The following LOXHD1 variants were observed in gnomAD, a reference collection of about 807,000 sequenced individuals.
The protein encoded by LOXHD1 is lipoxygenase homology domain-containing protein 1.
In LOXHD1, 205 loss-of-function variants were observed where a neutral mutation model predicts 248.2. The observed-to-expected ratio is 0.83, with a 90% CI of 0.74 to 0.93. The LOEUF is 0.93. Ranked by LOEUF, LOXHD1 falls within the 40% of genes least tolerant of loss-of-function variation. The pLI, the probability that LOXHD1 is intolerant of heterozygous loss-of-function variation, is 0.00. For synonymous variants in LOXHD1, 1,113 were observed against 1,162.8 expected, an observed-to-expected ratio of 0.96 and a Z score of 0.87; for missense variants, 2,930 against 2,971.6, an observed-to-expected ratio of 0.99 and a Z score of 0.33.
intron 17 of LOXHD1, among the ~76,000 whole-genome samples, chr18:46,565,118 G>T (rs1320981805): frequency 6.6e-6 from 1 of 152,078 alleles, no homozygotes; most frequent in African/African-American, 2.4e-5. Flanking sequence ...ACAAAAATTA[G>T]CCGGGTGTGG....
intron 37 of LOXHD1, among the ~76,000 whole-genome samples, chr18:46,503,618 T>C (rs1598862509): frequency 6.6e-6 from 1 of 151,038 alleles, no homozygotes; most frequent in African/African-American, 2.4e-5. Context: ...AACTCAGGAG[T>C]TTTTGTTTTG....
chr18:46,545,431 G>A lies in LOXHD1; in HGVS notation c.3515-10C>T. On this transcript the variant is annotated splice_polypyrimidine_tract_variant and intron_variant, in intron 22 of 40. Coordinates refer to ENST00000642948, the MANE Select transcript of LOXHD1 (RefSeq NM_001384474.1). ...AATGTGGTAGATTTATCTGCCAAGA[G>A]AATAGTATAGAGCAATGAATTGTAG... 1 of 1,529,524 alleles carries A rather than the reference G, an allele frequency of 6.5e-7. No homozygotes were observed. 94.7% of individuals were successfully genotyped at this position (1,529,524 alleles called of 1,614,324 possible).
chr18:46,610,360 T>G (rs1479395939), intron 6 of LOXHD1, among the ~76,000 whole-genome samples: 2 of 121,316 alleles, frequency 1.6e-5, no homozygotes, highest in Admixed American at 1.0e-4. Context: ...TGAGAACACT[T>G]GGACACAGGG....
At chr18:46,620,407 A>C (rs1465974338) in intron 4 of LOXHD1, among the ~76,000 whole-genome samples, 1 of 152,180 alleles carries the variant, frequency 6.6e-6, no homozygotes, top group Admixed American at 6.5e-5. Flanking sequence ...AAGGGGCAGC[A>C]GGGCTCCAGG....
At chr18:46,545,627 C>CATTTTTTTTTTTTTTT (rs2036772782) in intron 22 of LOXHD1, among the ~76,000 whole-genome samples, 1 of 92,236 alleles carries the variant, frequency 1.1e-5, no homozygotes, top group African/African-American at 4.9e-5. Flanking sequence ...TTGGCCATTT[C>CATTTTTTTTTTTTTTT]TTTTTTTTTT....
chr18:46,561,494 T>G (rs142329594), intron 18 of LOXHD1, among the ~76,000 whole-genome samples: 2,543 of 152,252 alleles, frequency 0.017, 72 homozygotes, highest in African/African-American at 0.054. Context: ...TTGTTTCTAG[T>G]CAGAGTCCTC....
At chr18:46,647,380 A>G (rs1031641577) in intron 2 of LOXHD1, among the ~76,000 whole-genome samples, 1 of 152,184 alleles carries the variant, frequency 6.6e-6, no homozygotes, top group Non-Finnish European at 1.5e-5. Flanking sequence ...GAAAAAGGGG[A>G]AGAATCTGAG....
chr18:46,558,276 A>G (rs2037421021), intron 20 of LOXHD1, among the ~76,000 whole-genome samples: 1 of 152,230 alleles, frequency 6.6e-6, no homozygotes, highest in South Asian at 2.1e-4. Context: ...AGTAAGTGGC[A>G]GATACCATGA....
At chr18:46,539,875 C>T (rs895831649) in intron 25 of LOXHD1, among the ~76,000 whole-genome samples, 2 of 152,192 alleles carry the variant, frequency 1.3e-5, no homozygotes, top group African/African-American at 4.8e-5. Context: ...AGTCTTGGCC[C>T]TTGAAAGGAG....
intron 37 of LOXHD1, among the ~76,000 whole-genome samples, chr18:46,504,762 A>G (rs970172707): frequency 1.3e-5 from 2 of 152,256 alleles, no homozygotes; most frequent in African/African-American, 4.8e-5. Context: ...GTGAGGAACA[A>G]CACAACATTC....
At chr18:46,537,570 GCA>G (rs1205519793) in intron 26 of LOXHD1, among the ~76,000 whole-genome samples, 1 of 152,168 alleles carries the variant, frequency 6.6e-6, no homozygotes, top group Non-Finnish European at 1.5e-5. Context: ...CACAGGGCAG[GCA>G]CAGTGTGCAT....
chr18:46,639,537 C>T (rs2038935851), intron 4 of LOXHD1, 79 bp downstream of exon 4: 2 of 1,478,356 alleles, frequency 1.4e-6, no homozygotes, highest in Non-Finnish European at 1.8e-6. Context: ...CTGCCCAGAG[C>T]AAGACAGGCA....
intron 4 of LOXHD1, among the ~76,000 whole-genome samples, chr18:46,624,281 G>A (rs2038708846): frequency 6.6e-6 from 1 of 152,220 alleles, no homozygotes; most frequent in South Asian, 2.1e-4. Flanking sequence ...CAGGCGCTGC[G>A]TAGGAGGAGA....
chr18:46,512,417 C>T (rs1407469826), intron 34 of LOXHD1, among the ~76,000 whole-genome samples: 1 of 152,146 alleles, frequency 6.6e-6, no homozygotes, highest in East Asian at 1.9e-4. Flanking sequence ...TAGACACCCC[C>T]ATTTCTTCTC....
At chr18:46,608,070 A>AAGG (rs376972498) in intron 6 of LOXHD1, among the ~76,000 whole-genome samples, 1 of 149,132 alleles carries the variant, frequency 6.7e-6, no homozygotes, top group African/African-American at 2.5e-5. Context: ...GGAAGGAAGG[A>AAGG]AAGAAGGAAG....
Position 46,483,715 on chromosome 18 carries a change from G to A in LOXHD1, c.6213C>T (p.Ser2071=), listed in dbSNP as rs956777037. Residue 2071 remains serine (S), a synonymous_variant, in exon 40 of 41, where the codon AGC becomes AGT. Transcript: ENST00000642948. Reference sequence around the variant, plus strand: ...GGGAGGCAATGTCCCCCAAGTAGATGCTGTCAAACTCAAACGTGTCTGTGG... The same window carrying A: ...GGGAGGCAATGTCCCCCAAGTAGATACTGTCAAACTCAAACGTGTCTGTGG... ...KGTTDTFEFD[S]IYLGDIASLC... 3.2e-6 allele frequency: 5 copies of A among 1,551,556 alleles called. No individual in the cohort carries two copies. Among genetic ancestry groups the A allele is most frequent in the African/African-American group, 2.7e-5 (2 of 73,012 alleles).
rs759377116 is a variant in LOXHD1, at chr18:46,521,140, A to G, written c.5228T>C (p.Val1743Ala). 6.4e-7 allele frequency: 1 copy of G among 1,551,748 alleles called. No homozygotes were observed. Among genetic ancestry groups the G allele is most frequent in the South Asian group, 1.2e-5 (1 of 84,058 alleles). ...CACCATGGCATCCAAGAGGTCGAAG[A>G]CACGGGAGGTGATGCCGTCGCCTCT... ...KDRGDGITSR[V>A]FDLLDAMVVN... The change falls in exon 33 of 41, where the codon GTC becomes GCC. Residue 1743 changes from valine (V) to alanine (A), a missense_variant. By Grantham distance (64) the Val-to-Ala change is moderately conservative. Transcript: ENST00000642948.
intron 21 of LOXHD1, among the ~76,000 whole-genome samples, chr18:46,549,496 C>A (rs1246575491): frequency 6.6e-6 from 1 of 152,094 alleles, no homozygotes. Context: ...GGATCTGGAA[C>A]TCAGGAATTC....
In LOXHD1 at chr18:46,529,556, G is replaced by A. The variant is rs545438359; in HGVS notation, c.4376-225C>T. Reference sequence around the variant, plus strand: ...TGATCTAGACCCAGGTAGGCTCTATGAGACCCCAAAAATAGAAACTTTTTT... The same window carrying A: ...TGATCTAGACCCAGGTAGGCTCTATAAGACCCCAAAAATAGAAACTTTTTT... On this transcript the variant is annotated intron_variant, in intron 28 of 40. Transcript: ENST00000642948. Among the ~76,000 whole-genome samples the A allele has an allele frequency of 3.9e-5, 6 of 152,290 alleles. No individual in the cohort carries two copies. In the South Asian group the frequency reaches 1.2e-3, roughly 32 times the overall value.
Sources: gnomAD v4.1 joint callset for allele counts (sites outside exome capture counted in the v4.1 genomes callset) on GRCh38, gnomAD v4.1.1 for gene constraint, MANE v1.5 for transcripts, NCBI Gene and HGNC (gene_info 2026-07-23, HGNC 2026-07-21) for gene names.